The following BMAL2 variants were observed in gnomAD, a reference collection of about 807,000 sequenced individuals.
BMAL2 encodes basic helix-loop-helix ARNT-like protein 2.
chr12:27,402,887 A>G, the BMAL2 span, among the ~76,000 whole-genome samples: 1 of 152,208 alleles, frequency 6.6e-6, no homozygotes, highest in South Asian at 2.1e-4. Context: ...AGGTATCACC[A>G]TGTCCCCCTC....
chr12:27,397,043 TG>T, the BMAL2 span, among the ~76,000 whole-genome samples: 1 of 151,444 alleles, frequency 6.6e-6, no homozygotes, highest in Non-Finnish European at 1.5e-5. Context: ...GAATTCACTG[TG>T]GTTTTGTTTG....
the BMAL2 span, among the ~76,000 whole-genome samples, chr12:27,337,787 C>T: frequency 1.6e-4 from 25 of 152,154 alleles, no homozygotes; most frequent in African/African-American, 5.8e-4. Context: ...GGTAAAAATA[C>T]CTAACTTGGA....
the BMAL2 span, among the ~76,000 whole-genome samples, chr12:27,345,054 T>G: frequency 6.6e-6 from 1 of 152,214 alleles, no homozygotes; most frequent in Non-Finnish European, 1.5e-5. Flanking sequence ...TATTTCTGCC[T>G]CAAACTCTTT....
At chr12:27,334,254 T>G in the BMAL2 span, among the ~76,000 whole-genome samples, 2 of 152,234 alleles carry the variant, frequency 1.3e-5, no homozygotes, top group African/African-American at 4.8e-5. Flanking sequence ...GTCTTGTGAC[T>G]GAGCTCTGCC....
chr12:27,389,373 T>A, the BMAL2 span: 2 of 910,118 alleles, frequency 2.2e-6, no homozygotes, highest in Non-Finnish European at 3.5e-6. Flanking sequence ...CACAGTGTTT[T>A]TAAAACAGCT....
the BMAL2 span, chr12:27,403,350 T>C: frequency 1.1e-6 from 1 of 945,900 alleles, no homozygotes; most frequent in Non-Finnish European, 1.6e-6. Context: ...AGTCTGTTTC[T>C]TTTAAGGAGA....
At chr12:27,389,312 C>T in the BMAL2 span, 19 of 1,487,792 alleles carry the variant, frequency 1.3e-5, no homozygotes, top group South Asian at 3.4e-5. Flanking sequence ...TGTCCATTTC[C>T]GCATGCTTAT....
chr12:27,419,235 G>T, the BMAL2 span, among the ~76,000 whole-genome samples: 4,359 of 152,270 alleles, frequency 0.029, 98 homozygotes, highest in Non-Finnish European at 0.046. Flanking sequence ...ATTTTAGTCT[G>T]TTTTATGCTG....
At chr12:27,376,957 C>A in the BMAL2 span, among the ~76,000 whole-genome samples, 48 of 133,686 alleles carry the variant, frequency 3.6e-4, no homozygotes, top group African/African-American at 1.2e-3. Flanking sequence ...GCCGAAATCG[C>A]GCCACTGCAC....
At chr12:27,402,523 C>A in the BMAL2 span, 1 of 1,038,094 alleles carries the variant, frequency 9.6e-7, no homozygotes. Context: ...AAATGGGCCA[C>A]AAATTGACAA....
At chr12:27,410,272 G>A in the BMAL2 span, among the ~76,000 whole-genome samples, 2 of 152,264 alleles carry the variant, frequency 1.3e-5, no homozygotes, top group South Asian at 4.2e-4. Flanking sequence ...TATAAATTAT[G>A]CTGCTTTAAA....
At chr12:27,366,843 A>G in the BMAL2 span, among the ~76,000 whole-genome samples, 34 of 152,348 alleles carry the variant, frequency 2.2e-4, no homozygotes, top group East Asian at 6.5e-3. Flanking sequence ...CAGCTACATG[A>G]CAGTGTATTA....
chr12:27,403,494 T>C, the BMAL2 span: 5 of 1,611,288 alleles, frequency 3.1e-6, no homozygotes, highest in Non-Finnish European at 3.4e-6. Context: ...TACTTGGTGC[T>C]GGTAGTATTG....
At chr12:27,368,534 C>G in the BMAL2 span, 4 of 1,201,764 alleles carry the variant, frequency 3.3e-6, no homozygotes, top group Admixed American at 4.7e-5. Context: ...TGGGAGAGTA[C>G]TTATCCACCC....
chr12:27,342,525 A>G, the BMAL2 span, among the ~76,000 whole-genome samples: 103 of 152,378 alleles, frequency 6.8e-4, no homozygotes, highest in Middle Eastern at 3.4e-3. Context: ...GGCATTATCA[A>G]TAGATGTTAA....
chr12:27,335,912 A>C, the BMAL2 span, among the ~76,000 whole-genome samples: 3 of 152,226 alleles, frequency 2.0e-5, no homozygotes, highest in Non-Finnish European at 2.9e-5. Flanking sequence ...AAATATCAGT[A>C]GGAGAATACA....
chr12:27,385,679 A>G, the BMAL2 span: 7 of 609,822 alleles, frequency 1.1e-5, no homozygotes, highest in Non-Finnish European at 1.7e-5. Flanking sequence ...ATTACACCGT[A>G]TTTCCTTTAA....
chr12:27,406,704 CT>C, the BMAL2 span, among the ~76,000 whole-genome samples: 2 of 152,298 alleles, frequency 1.3e-5, no homozygotes, highest in Middle Eastern at 6.8e-3. Flanking sequence ...AAATAACCAG[CT>C]AATATCATAA....
At chr12:27,420,388 A>C in the BMAL2 span, 1 of 1,613,912 alleles carries the variant, frequency 6.2e-7, no homozygotes, top group Non-Finnish European at 8.5e-7. Context: ...CTGTATTTTA[A>C]TTCATAGGTG....
Sources: gnomAD v4.1 joint callset for allele counts (sites outside exome capture counted in the v4.1 genomes callset) on GRCh38, gnomAD v4.1.1 for gene constraint, MANE v1.5 for transcripts, NCBI Gene and HGNC (gene_info 2026-07-23, HGNC 2026-07-21) for gene names.